Variants in KATNBL1 observed in about 807,000 individuals in gnomAD.
KATNBL1 encodes KATNB1-like protein 1.
KATNBL1 carries 28 observed loss-of-function variants against 44.7 expected under a neutral mutation model. That is an observed-to-expected ratio of 0.63 (90% CI 0.46 to 0.86). KATNBL1 has a LOEUF of 0.86. KATNBL1 is among the 40% of genes least tolerant of loss of function. The pLI, the probability that KATNBL1 is intolerant of heterozygous loss-of-function variation, is 0.00. For synonymous variants in KATNBL1, 78 were observed against 114.9 expected (o/e 0.68, Z 2.06); for missense variants, 272 against 350.7 (o/e 0.78, Z 1.79).
intron 3 of KATNBL1, among the ~76,000 whole-genome samples, chr15:34,153,605 T>C (rs796072823): frequency 5.3e-5 from 8 of 152,194 alleles, no homozygotes; most frequent in African/African-American, 1.9e-4. Context: ...GCAGTCTCTC[T>C]CTGTTGCCAG....
intron 2 of KATNBL1, among the ~76,000 whole-genome samples, chr15:34,159,447 T>C (rs1888733179): frequency 6.6e-6 from 1 of 152,242 alleles, no homozygotes; most frequent in South Asian, 2.1e-4. Context: ...ATGACCTGTC[T>C]GGCTTCTTTA....
intron 2 of KATNBL1, among the ~76,000 whole-genome samples, chr15:34,160,287 T>G (rs1439526716): frequency 2.0e-5 from 3 of 152,214 alleles, no homozygotes; most frequent in Non-Finnish European, 4.4e-5. Context: ...GATACTTTGT[T>G]GTATGGTGGA....
At chr15:34,170,142 T>C (rs894880361) in intron 1 of KATNBL1, among the ~76,000 whole-genome samples, 1 of 152,116 alleles carries the variant, frequency 6.6e-6, no homozygotes. Context: ...AAAGAGGAAG[T>C]CAAATTGTCC....
rs148207444 is a variant in KATNBL1, at chr15:34,149,181, A to C, written c.439-431T>G. 2.9e-3 allele frequency among the ~76,000 whole-genome samples: 440 copies of C among 152,292 alleles called. 4 individuals carry two copies. The highest frequency in any genetic ancestry group is 0.01 in the African/African-American group (419 of 41,564). On this transcript the variant is annotated intron_variant, in intron 4 of 9. Transcript: ENST00000256544. The stretch of plus-strand genomic sequence containing the variant: ...AATGAAGTGTCATTTTCCTGTTCTA[A>C]TGTGTTTAACACAGAACTATGTAAG...
At chr15:34,180,891 G>A (rs912681612) in intron 1 of KATNBL1, among the ~76,000 whole-genome samples, 11 of 151,882 alleles carry the variant, frequency 7.2e-5, no homozygotes, top group East Asian at 3.9e-4. Flanking sequence ...AGTGAGACCC[G>A]TCTCCAAAAA....
chr15:34,167,262 T>A (rs773191373), intron 1 of KATNBL1, among the ~76,000 whole-genome samples: 1 of 152,172 alleles, frequency 6.6e-6, no homozygotes, highest in African/African-American at 2.4e-5. Context: ...AATGACATCA[T>A]GGAGCTGAAA....
At chr15:34,148,426 A>C (rs754592037) in intron 5 of KATNBL1, 1 of 368,298 alleles carries the variant, frequency 2.7e-6, no homozygotes, top group Non-Finnish European at 5.1e-6. Flanking sequence ...CTTCCAAAAA[A>C]TTTTTTTAAA....
At chr15:34,153,477 G>A (rs1888544226) in intron 3 of KATNBL1, among the ~76,000 whole-genome samples, 1 of 152,292 alleles carries the variant, frequency 6.6e-6, no homozygotes, top group Admixed American at 6.5e-5. Flanking sequence ...ATTTGAGTAA[G>A]AACACGATAG....
chr15:34,154,674 G>T lies in KATNBL1; in HGVS notation c.128C>A (p.Ser43Tyr). Residue 43 changes from serine (S) to tyrosine (Y), a missense_variant, in exon 3 of 10, where the codon TCT becomes TAT. By Grantham distance (144) the Ser-to-Tyr change is moderately radical (BLOSUM62 -2). Transcript: ENST00000256544. ...TATGTAAGCAGCCAACTGTTTTGGA[G>T]ATTTCTTAACCTGAAAAATGAAAGT... The part of the protein sequence containing the change: ...TNKNMKEVKK[S>Y]PKQLAAYINR... 8 of 1,583,558 alleles carry T rather than the reference G, an allele frequency of 5.1e-6. No homozygotes were observed. The highest frequency in any genetic ancestry group is 6.9e-6 in the Non-Finnish European group (8 of 1,152,480).
chr15:34,207,312 G>A (rs1330575213), intron 1 of KATNBL1, among the ~76,000 whole-genome samples: 3 of 152,034 alleles, frequency 2.0e-5, no homozygotes, highest in Admixed American at 1.3e-4. Context: ...GGGTTCAACC[G>A]ATTCTCCTGC....
intron 1 of KATNBL1, among the ~76,000 whole-genome samples, chr15:34,183,811 A>T (rs939143765): frequency 3.3e-5 from 5 of 152,260 alleles, no homozygotes; most frequent in African/African-American, 1.2e-4. Flanking sequence ...TTATGAGAAG[A>T]GGGCAAAAAC....
intron 1 of KATNBL1, among the ~76,000 whole-genome samples, chr15:34,171,187 C>G (rs947694037): frequency 1.3e-5 from 2 of 152,288 alleles, no homozygotes; most frequent in East Asian, 3.9e-4. Context: ...ATCTACCCAT[C>G]TGACAAAGGG....
intron 4 of KATNBL1, 71 bp from the exon 5 acceptor site, chr15:34,148,821 C>A: frequency 3.4e-6 from 3 of 871,082 alleles, no homozygotes; most frequent in Non-Finnish European, 1.9e-6. Flanking sequence ...TTTATTAAAT[C>A]GTTCTGGTAG....
At chr15:34,199,359 C>T (rs1430858760) in intron 1 of KATNBL1, among the ~76,000 whole-genome samples, 1 of 152,184 alleles carries the variant, frequency 6.6e-6, no homozygotes, top group Non-Finnish European at 1.5e-5. Flanking sequence ...ATCTCTTGAA[C>T]CCGGGAGGTG....
At chr15:34,205,434 C>T (rs1382522030) in intron 1 of KATNBL1, among the ~76,000 whole-genome samples, 2 of 152,074 alleles carry the variant, frequency 1.3e-5, no homozygotes. Flanking sequence ...ATGGCTAGGA[C>T]ATAGGTTTTT....
chr15:34,177,045 TC>T (rs57278866), intron 1 of KATNBL1, among the ~76,000 whole-genome samples: 147,715 of 152,162 alleles, frequency 0.97, 71,844 homozygotes, highest in East Asian at 1. Flanking sequence ...CTGGCAATTA[TC>T]ATTGCCTTTT....
chr15:34,155,380 T>C (rs572132539), intron 2 of KATNBL1, among the ~76,000 whole-genome samples: 3 of 152,300 alleles, frequency 2.0e-5, no homozygotes, highest in Admixed American at 6.5e-5. Context: ...TGTTTCTGTA[T>C]GTCTTTGGAC....
chr15:34,168,529 G>C (rs1213397658), intron 1 of KATNBL1, among the ~76,000 whole-genome samples: 1 of 151,992 alleles, frequency 6.6e-6, no homozygotes, highest in African/African-American at 2.4e-5. Flanking sequence ...AGACAGATCA[G>C]TGAGACAGAA....
chr15:34,194,921 G>A (rs913815448), intron 1 of KATNBL1, among the ~76,000 whole-genome samples: 3 of 152,134 alleles, frequency 2.0e-5, no homozygotes, highest in Non-Finnish European at 4.4e-5. Flanking sequence ...ACACCAATCA[G>A]AATGGCTATT....
Sources: allele counts gnomAD v4.1 joint callset (sites outside exome capture counted in the v4.1 genomes callset), GRCh38; gene constraint gnomAD v4.1.1; transcripts MANE v1.5; gene names NCBI Gene and HGNC (gene_info 2026-07-23, HGNC 2026-07-21).